KLF12: variants seen among roughly 807,000 people sequenced by gnomAD.
KLF12 encodes the protein Krueppel-like factor 12.
Under a neutral mutation model 37.8 loss-of-function variants are expected in KLF12, and 9 were observed. That is an observed-to-expected ratio of 0.24 (90% CI 0.14 to 0.42). KLF12 has a LOEUF of 0.42. KLF12 is among the 10% of genes least tolerant of loss of function. The pLI is 1.00. For missense variants in KLF12, 411 were observed against 516.0 expected, an observed-to-expected ratio of 0.80 and a Z score of 1.97; for synonymous variants, 208 against 202.1, an observed-to-expected ratio of 1.03 and a Z score of -0.25.
intron 6 of KLF12, among the ~76,000 whole-genome samples, chr13:73,756,986 A>C (rs150333023): frequency 6.6e-6 from 1 of 152,260 alleles, no homozygotes; most frequent in Non-Finnish European, 1.5e-5. Flanking sequence ...CTTTTGCTTA[A>C]GGCAGCCATA....
intron 1 of KLF12, among the ~76,000 whole-genome samples, chr13:74,129,951 C>A (rs749742308): frequency 6.6e-6 from 1 of 152,172 alleles, no homozygotes; most frequent in East Asian, 1.9e-4. Flanking sequence ...GGGGTGTGGC[C>A]GACCTAGGCC....
intron 6 of KLF12, among the ~76,000 whole-genome samples, chr13:73,726,530 G>C (rs1391171400): frequency 6.6e-6 from 1 of 152,134 alleles, no homozygotes; most frequent in Non-Finnish European, 1.5e-5. Flanking sequence ...ATCATATAAT[G>C]CATGGCCTTT....
intron 3 of KLF12, among the ~76,000 whole-genome samples, chr13:73,893,018 T>G (rs1394614041): frequency 6.6e-6 from 1 of 151,798 alleles, no homozygotes; most frequent in African/African-American, 2.4e-5. Flanking sequence ...GGCAAGAGCT[T>G]TGAAAGAGAA....
intron 1 of KLF12, among the ~76,000 whole-genome samples, chr13:74,100,724 C>T (rs1876290638): frequency 6.6e-6 from 1 of 151,940 alleles, no homozygotes; most frequent in Non-Finnish European, 1.5e-5. Context: ...GGAGTGTGTA[C>T]ATAAAAATGT....
chr13:73,744,510 T>C (rs1878229386), intron 6 of KLF12, among the ~76,000 whole-genome samples: 1 of 150,134 alleles, frequency 6.7e-6, no homozygotes, highest in Non-Finnish European at 1.5e-5. Flanking sequence ...AGCAGGTGAC[T>C]GGGGCCTGTG....
At chr13:74,219,061 A>G in the KLF12 span, among the ~76,000 whole-genome samples, 1 of 150,110 alleles carries the variant, frequency 6.7e-6, no homozygotes, top group South Asian at 2.1e-4. Context: ...GGTTCAAGTG[A>G]TTCTCCTGCC....
At chr13:74,241,997 T>C in the KLF12 span, among the ~76,000 whole-genome samples, 1 of 152,210 alleles carries the variant, frequency 6.6e-6, no homozygotes, top group Non-Finnish European at 1.5e-5. Context: ...AAAGTAGGAA[T>C]ATTAAAAGCT....
At chr13:73,854,291 A>G (rs969488045) in intron 3 of KLF12, among the ~76,000 whole-genome samples, 8 of 152,226 alleles carry the variant, frequency 5.3e-5, no homozygotes, top group Admixed American at 1.3e-4. Flanking sequence ...TGCTAGATAC[A>G]TATTTTAAAA....
chr13:74,141,636 G>A, the KLF12 span, among the ~76,000 whole-genome samples: 1 of 152,222 alleles, frequency 6.6e-6, no homozygotes, highest in Non-Finnish European at 1.5e-5. Flanking sequence ...TTATTTTCCT[G>A]CTCCCTTTCT....
intron 2 of KLF12, among the ~76,000 whole-genome samples, chr13:73,993,048 G>A (rs776942370): frequency 8.5e-5 from 13 of 152,080 alleles, no homozygotes; most frequent in Non-Finnish European, 1.6e-4. Flanking sequence ...CCTGGCCAAC[G>A]CGGTGAAACC....
At chr13:73,790,459 T>C (rs1018908375) in intron 5 of KLF12, among the ~76,000 whole-genome samples, 2 of 152,244 alleles carry the variant, frequency 1.3e-5, no homozygotes, top group African/African-American at 4.8e-5. Flanking sequence ...TGTTTGGTGA[T>C]TAGAATGCAA....
At chr13:73,979,354 A>AACACACACACACACACAC (rs71115629) in intron 2 of KLF12, among the ~76,000 whole-genome samples, 43 of 139,704 alleles carry the variant, frequency 3.1e-4, no homozygotes, top group African/African-American at 1.1e-3. Context: ...TCTGCTTTTA[A>AACACACACACACACACAC]ACACACACAC....
At chr13:73,835,791 G>A (rs1343979176) in intron 4 of KLF12, among the ~76,000 whole-genome samples, 1 of 152,140 alleles carries the variant, frequency 6.6e-6, no homozygotes, top group South Asian at 2.1e-4. Flanking sequence ...TTATTTGGGT[G>A]ACACTCTCAG....
chr13:74,228,472 T>C, the KLF12 span, among the ~76,000 whole-genome samples: 3 of 152,132 alleles, frequency 2.0e-5, no homozygotes. Flanking sequence ...TAGAATGGAA[T>C]TTTGAGGTCG....
intron 1 of KLF12, among the ~76,000 whole-genome samples, chr13:74,111,709 T>A (rs866947793): frequency 1.7e-5 from 2 of 116,514 alleles, no homozygotes; most frequent in South Asian, 2.8e-4. Flanking sequence ...GAAAAACATT[T>A]GTGCCAATGG....
chr13:73,842,843 C>T (rs1240392014), intron 4 of KLF12, among the ~76,000 whole-genome samples: 2 of 134,552 alleles, frequency 1.5e-5, no homozygotes, highest in Non-Finnish European at 3.5e-5. Context: ...TGCATATATG[C>T]TAAACAAAGA....
intron 6 of KLF12, among the ~76,000 whole-genome samples, chr13:73,734,443 A>G (rs1877297104): frequency 6.6e-6 from 1 of 152,140 alleles, no homozygotes; most frequent in Non-Finnish European, 1.5e-5. Flanking sequence ...AGTGCCAAGC[A>G]AATTTAAGTA....
intron 2 of KLF12, among the ~76,000 whole-genome samples, chr13:73,968,689 G>C (rs1891240518): frequency 6.6e-6 from 1 of 152,136 alleles, no homozygotes; most frequent in Non-Finnish European, 1.5e-5. Context: ...GAAATGTAAA[G>C]AATATTTTTG....
chr13:74,159,527 A>G, the KLF12 span, among the ~76,000 whole-genome samples: 6 of 152,226 alleles, frequency 3.9e-5, no homozygotes, highest in South Asian at 6.2e-4. Context: ...TGACAACTGG[A>G]TAATGCACAT....
Sources: allele counts gnomAD v4.1 joint callset (sites outside exome capture counted in the v4.1 genomes callset), GRCh38; gene constraint gnomAD v4.1.1; transcripts MANE v1.5; gene names NCBI Gene and HGNC (gene_info 2026-07-23, HGNC 2026-07-21).